Variants in IGSF21 observed in about 807,000 individuals in gnomAD.
The protein encoded by IGSF21 is immunoglobin superfamily member 21.
Under a neutral mutation model 46.8 loss-of-function variants are expected in IGSF21, and 28 were observed. That is an observed-to-expected ratio of 0.60 (90% CI 0.44 to 0.82). The LOEUF is 0.82. Ranked by LOEUF, IGSF21 falls within the 40% of genes least tolerant of loss-of-function variation. IGSF21 has a pLI of 0.00. For missense variants in IGSF21, 624 were observed against 665.5 expected (o/e 0.94, Z 0.69); for synonymous variants, 284 against 273.6 (o/e 1.04, Z -0.38).
intron 1 of IGSF21, among the ~76,000 whole-genome samples, chr1:18,122,622 T>C (rs1184375648): frequency 1.3e-5 from 2 of 151,228 alleles, no homozygotes; most frequent in Non-Finnish European, 2.9e-5. Flanking sequence ...CGATTTTTTT[T>C]CTTTTTTTTT....
intron 2 of IGSF21, among the ~76,000 whole-genome samples, chr1:18,258,860 G>A (rs1028841054): frequency 7.2e-5 from 11 of 152,254 alleles, no homozygotes; most frequent in East Asian, 3.9e-4. Flanking sequence ...CTCCCCTTCC[G>A]CCAAATCCAG....
intron 3 of IGSF21, among the ~76,000 whole-genome samples, chr1:18,306,423 C>G (rs1043331717): frequency 6.6e-6 from 1 of 152,172 alleles, no homozygotes; most frequent in Admixed American, 6.5e-5. Context: ...CATTCTTAAC[C>G]CATTGATCCG....
chr1:18,109,697 A>G lies in IGSF21; in HGVS notation c.70+1499A>G, dbSNP rs2086124467. The G allele has an allele frequency of 6.6e-6, 1 of 152,166 alleles. No individual in the cohort carries two copies. The highest frequency in any genetic ancestry group is 2.4e-5 in the African/African-American group (1 of 41,430). 9.4% of individuals were successfully genotyped at this position (152,166 alleles called of 1,614,324 possible). On this transcript the variant is annotated intron_variant, in intron 1 of 9. Transcript: ENST00000251296. This position sits in a 1 kb window ranked among gnomAD's most constrained non-coding sequence, Gnocchi z 4.8. ...ACTTTGTTCCCCTACCCTTGGAACA[A>G]GAGACTTTCCTAAGTGGATCAAAAT...
chr1:18,191,293 G>A (rs2086953726), intron 1 of IGSF21, among the ~76,000 whole-genome samples: 1 of 152,100 alleles, frequency 6.6e-6, no homozygotes, highest in Non-Finnish European at 1.5e-5. Flanking sequence ...GGTTACTATG[G>A]GGATCCCTTG....
At chr1:18,180,801 T>C (rs1415757257) in intron 1 of IGSF21, among the ~76,000 whole-genome samples, 1 of 152,220 alleles carries the variant, frequency 6.6e-6, no homozygotes, top group African/African-American at 2.4e-5. Flanking sequence ...AGTTCTGCAG[T>C]ATTATCCCCA....
chr1:18,119,457 C>T (rs904423476), intron 1 of IGSF21, among the ~76,000 whole-genome samples: 6 of 152,214 alleles, frequency 3.9e-5, no homozygotes, highest in Non-Finnish European at 7.3e-5. Flanking sequence ...CTAGTGATGA[C>T]GGTATTGGAC....
chr1:18,258,663 T>C (rs1055884319), intron 2 of IGSF21, among the ~76,000 whole-genome samples: 8 of 152,198 alleles, frequency 5.3e-5, no homozygotes, highest in Non-Finnish European at 2.9e-5. Flanking sequence ...CATTCAAAGC[T>C]TGGTCCTTGC....
intron 3 of IGSF21, among the ~76,000 whole-genome samples, chr1:18,302,365 C>G (rs2085370904): frequency 6.6e-6 from 1 of 152,150 alleles, no homozygotes; most frequent in South Asian, 2.1e-4. Context: ...CCAGACAGGG[C>G]AGGGCTGATT....
intron 1 of IGSF21, among the ~76,000 whole-genome samples, chr1:18,213,239 A>G (rs927006703): frequency 6.6e-6 from 1 of 151,952 alleles, no homozygotes; most frequent in African/African-American, 2.4e-5. Context: ...CTTTTTTTCC[A>G]CCAAGAACGT....
chr1:18,136,833 T>C (rs1241416685), intron 1 of IGSF21, among the ~76,000 whole-genome samples: 3 of 152,220 alleles, frequency 2.0e-5, no homozygotes, highest in Non-Finnish European at 4.4e-5. Context: ...ATTGAATCTA[T>C]AAATTACCTC....
At chr1:18,173,815 G>A (rs1557571289) in intron 1 of IGSF21, among the ~76,000 whole-genome samples, 2 of 152,176 alleles carry the variant, frequency 1.3e-5, no homozygotes, top group Non-Finnish European at 2.9e-5. Context: ...GTGCAGTGGT[G>A]CAATCTCAGC....
chr1:18,247,541 A>T lies in IGSF21; in HGVS notation c.183+19531A>T, dbSNP rs115336507. Among the ~76,000 whole-genome samples, 624 of 152,232 alleles carry T rather than the reference A, an allele frequency of 4.1e-3. 3 individuals carry two copies. Among genetic ancestry groups the T allele is most frequent in the African/African-American group, 0.014 (591 of 41,554 alleles). ...GGAACCATGGGCCAGGAAGCAGCCC[A>T]TCCTCGGAGGTGGCAGGTCACTGGC... On this transcript the variant is annotated intron_variant, in intron 2 of 9. Transcript: ENST00000251296.
chr1:18,142,920 C>G (rs2124426727), intron 1 of IGSF21, among the ~76,000 whole-genome samples: 1 of 152,292 alleles, frequency 6.6e-6, no homozygotes, highest in South Asian at 2.1e-4. Context: ...AGGGTCCAAT[C>G]ATGACCTGAG....
rs574087637 is a variant in IGSF21, at chr1:18,291,137, G to C, written c.184-729G>C. Among the ~76,000 whole-genome samples the C allele has an allele frequency of 2.6e-5, 4 of 152,328 alleles. No homozygotes were observed. The South Asian group carries it at 6.2e-4, about 24-fold the overall frequency. On this transcript the variant is annotated intron_variant, in intron 2 of 9. Transcript: ENST00000251296. ...GCAGGCGGGCGGCAGCTGAGGGCAC[G>C]GACGCTTGGGTTCGCTTTCCATCAG...
chr1:18,270,215 CCACT>C (rs2085029597), intron 2 of IGSF21, among the ~76,000 whole-genome samples: 1 of 152,220 alleles, frequency 6.6e-6, no homozygotes. Context: ...TGCCTGCCAT[CCACT>C]CACTCTCCAA....
At chr1:18,253,786 T>C (rs1404911379) in intron 2 of IGSF21, among the ~76,000 whole-genome samples, 2 of 152,168 alleles carry the variant, frequency 1.3e-5, no homozygotes, top group Admixed American at 6.5e-5. Flanking sequence ...GCCTGCTTCC[T>C]AGAAGGCTCC....
intron 4 of IGSF21, among the ~76,000 whole-genome samples, chr1:18,360,270 C>T (rs1235836261): frequency 6.6e-6 from 1 of 152,154 alleles, no homozygotes; most frequent in Non-Finnish European, 1.5e-5. Context: ...CTGTTTTATG[C>T]GATCTTACGC....
chr1:18,374,483 G>A (rs1188137674), intron 6 of IGSF21, among the ~76,000 whole-genome samples: 1 of 152,156 alleles, frequency 6.6e-6, no homozygotes, highest in Non-Finnish European at 1.5e-5. Flanking sequence ...AGGGCGCAAA[G>A]AACAGATTAG....
rs186792313 is a variant in IGSF21, at chr1:18,153,373, G to C, written c.70+45175G>C. On this transcript the variant is annotated intron_variant, in intron 1 of 9. Coordinates refer to ENST00000251296, the MANE Select transcript of IGSF21 (RefSeq NM_032880.5). Reference sequence around the variant, plus strand: ...AGTCTTGTCTTCACTCCGCAGAGGAGGCCCCAGCCAGATGGATGGAGCGGG... The same window carrying C: ...AGTCTTGTCTTCACTCCGCAGAGGACGCCCCAGCCAGATGGATGGAGCGGG... 4.6e-5 allele frequency among the ~76,000 whole-genome samples: 7 copies of C among 152,226 alleles called. No homozygotes were observed. The East Asian group carries it at 1.4e-3, about 29-fold the overall frequency.
Sources: allele counts gnomAD v4.1 joint callset (sites outside exome capture counted in the v4.1 genomes callset), GRCh38; gene constraint gnomAD v4.1.1; non-coding constraint Gnocchi (gnomAD v3.1); transcripts MANE v1.5; gene names NCBI Gene and HGNC (gene_info 2026-07-23, HGNC 2026-07-21).